DIS3L: variants seen among roughly 807,000 people sequenced by gnomAD.
DIS3L encodes the protein DIS3 like exosome 3'-5' exoribonuclease.
DIS3L carries 100 observed loss-of-function variants against 120.3 expected under a neutral mutation model. The observed-to-expected ratio is 0.83, with a 90% CI of 0.71 to 0.98. DIS3L has a LOEUF of 0.98. Among genes scored for constraint, DIS3L ranks in the 50% least tolerant of loss-of-function variants. The pLI, the probability that DIS3L is intolerant of heterozygous loss-of-function variation, is 0.00. For missense variants in DIS3L, 1,196 were observed against 1,314.2 expected, an observed-to-expected ratio of 0.91 and a Z score of 1.39; for synonymous variants, 426 against 470.6, an observed-to-expected ratio of 0.91 and a Z score of 1.23.
At chr15:66,320,858 A>T (rs2092876163) in intron 9 of DIS3L, 126 bp downstream of exon 9, 2 of 1,178,596 alleles carry the variant, frequency 1.7e-6, no homozygotes, top group Admixed American at 2.6e-5. Context: ...CAGATAATGG[A>T]AAAATCTCAA....
chr15:66,316,002 TTGTA>T (rs2140368947), intron 7 of DIS3L, among the ~76,000 whole-genome samples: 1 of 152,298 alleles, frequency 6.6e-6, no homozygotes, highest in African/African-American at 2.4e-5. Flanking sequence ...CATTGTCCTC[TTGTA>T]TGTGCAAGGG....
rs2093001687 is a variant in DIS3L, at chr15:66,331,908, C to T, written c.2569C>T (p.Leu857Phe). The T allele has an allele frequency of 6.2e-7, 1 of 1,611,542 alleles. No individual in the cohort carries two copies. Among genetic ancestry groups the T allele is most frequent in the African/African-American group, 1.3e-5 (1 of 74,832 alleles). ...AQHSQKQSTELFQCMYFKDKD... is the reference protein window; with the variant it reads ...AQHSQKQSTEFFQCMYFKDKD... ...GCATTCTCAGAAGCAGTCTACTGAG[C>T]TCTTCCAGTGCATGTACTTCAAAGA... Residue 857 changes from leucine (L) to phenylalanine (F), a missense_variant, in exon 15 of 17, where the codon CTC becomes TTC. Coordinates refer to ENST00000319212, the MANE Select transcript of DIS3L (RefSeq NM_001143688.3).
chr15:66,329,541 T>C, intron 14 of DIS3L, 142 bp downstream of exon 14: 1 of 1,332,458 alleles, frequency 7.5e-7, no homozygotes, highest in Non-Finnish European at 9.7e-7. Flanking sequence ...AGAACATTTG[T>C]AGATGTTCTC....
chr15:66,331,732 C>A, intron 14 of DIS3L, 143 bp from the exon 15 acceptor site: 3 of 939,794 alleles, frequency 3.2e-6, no homozygotes, highest in Non-Finnish European at 2.9e-6. Context: ...TAAGTTCCCA[C>A]AAAAAGTAAT....
At position 66,294,454 on chromosome 15, in the gene DIS3L, C is replaced by T. The variant is rs1475296643; in HGVS notation, c.140-534C>T. ...CTCCAAACATTGTGATTAAGGTGAACATTTCAGTTAGAGCTTGGCTAACCA... is the reference window on the plus strand; with the variant it reads ...CTCCAAACATTGTGATTAAGGTGAATATTTCAGTTAGAGCTTGGCTAACCA... On this transcript the variant is annotated intron_variant, in intron 1 of 16. Transcript: ENST00000319212. The T allele has an allele frequency of 3.0e-6, 3 of 985,988 alleles. No individual in the cohort carries two copies. In the African/African-American group the frequency reaches 5.2e-5, roughly 17 times the overall value. 61.1% of individuals were successfully genotyped at this position (985,988 alleles called of 1,614,324 possible).
At chr15:66,317,533 C>T (rs1287653282) in intron 7 of DIS3L, among the ~76,000 whole-genome samples, 1 of 151,940 alleles carries the variant, frequency 6.6e-6, no homozygotes. Context: ...CAGTTGAGGG[C>T]ACGGTTTAAA....
intron 5 of DIS3L, among the ~76,000 whole-genome samples, chr15:66,312,652 G>A (rs191435927): frequency 2.6e-5 from 4 of 152,242 alleles, no homozygotes; most frequent in Admixed American, 2.6e-4. Context: ...CAGGGTCTTG[G>A]GAAGGAATCA....
At chr15:66,308,290 C>A (rs992444506) in intron 3 of DIS3L, among the ~76,000 whole-genome samples, 3 of 152,206 alleles carry the variant, frequency 2.0e-5, no homozygotes, top group African/African-American at 7.2e-5. Flanking sequence ...CCATATCAGA[C>A]CCTATTGGAT....
rs2092989764 is a variant in DIS3L, at chr15:66,330,603, C to T, written c.2535+1204C>T. ...TAAAATTAGAAGTAGAAATTTGTCT[C>T]AGTAGAAATTTGGCCAGTGTCTCAG... On this transcript the variant is annotated intron_variant, in intron 14 of 16. Transcript: ENST00000319212. The T allele has an allele frequency of 5.2e-6, 5 of 965,108 alleles. 1 individual carries two copies. Among genetic ancestry groups the T allele is most frequent in the African/African-American group, 1.8e-5 (1 of 56,796 alleles). 59.8% of individuals were successfully genotyped at this position (965,108 alleles called of 1,614,324 possible). A position where few individuals can be genotyped will look rare whatever the true frequency, so the allele number is the denominator to read the frequency against.
chr15:66,320,791 T>C (rs2092875571), intron 9 of DIS3L, 59 bp downstream of exon 9: 13 of 1,566,034 alleles, frequency 8.3e-6, no homozygotes, highest in Non-Finnish European at 1.1e-5. Flanking sequence ...TTGTTGTTGT[T>C]TCATCATTAA....
At chr15:66,328,328 T>C (rs2092960430) in intron 12 of DIS3L, among the ~76,000 whole-genome samples, 1 of 152,118 alleles carries the variant, frequency 6.6e-6, no homozygotes, top group African/African-American at 2.4e-5. Context: ...CCAGCCACAA[T>C]ATAGGACTGA....
chr15:66,311,071 AAAGAC>A (rs1469745929), intron 4 of DIS3L, among the ~76,000 whole-genome samples: 22 of 151,524 alleles, frequency 1.5e-4, no homozygotes, highest in African/African-American at 4.8e-4. Flanking sequence ...AAAAAAAAAA[AAAGAC>A]AAGAATGTAC....
chr15:66,301,925 A>C (rs553066136), intron 2 of DIS3L, among the ~76,000 whole-genome samples: 2 of 152,218 alleles, frequency 1.3e-5, no homozygotes, highest in Non-Finnish European at 2.9e-5. Flanking sequence ...GTCTAAGAAA[A>C]TATATATGGG....
rs376924626 is a variant in DIS3L at position 66,311,765 on chromosome 15, C to T, written c.600C>T (p.His200=). The T allele has an allele frequency of 5.0e-5, 81 of 1,614,008 alleles. No individual in the cohort carries two copies. The highest frequency in any genetic ancestry group is 1.7e-4 in the Admixed American group (10 of 59,998). Reference sequence around the variant, plus strand: ...TCTGGCCTGATTTAAAAGCTGCCCACGAGCTTTGTGATTCTATCCTTCAGT... The same window carrying T: ...TCTGGCCTGATTTAAAAGCTGCCCATGAGCTTTGTGATTCTATCCTTCAGT... ...DNFWPDLKAA[H]ELCDSILQSR... Residue 200 remains histidine (H), a synonymous_variant, in exon 5 of 17, where the codon CAC becomes CAT. Transcript: ENST00000319212.
At chr15:66,316,525 A>G (rs1057147508) in intron 7 of DIS3L, among the ~76,000 whole-genome samples, 1 of 152,104 alleles carries the variant, frequency 6.6e-6, no homozygotes, top group African/African-American at 2.4e-5. Context: ...TCCTTCAGAA[A>G]GTGAGTTGAG....
chr15:66,296,971 G>A (rs1013609669), intron 2 of DIS3L, among the ~76,000 whole-genome samples: 1 of 152,196 alleles, frequency 6.6e-6, no homozygotes, highest in Non-Finnish European at 1.5e-5. Flanking sequence ...GTGGAGTGGA[G>A]CAATTAGGCC....
At position 66,294,184 on chromosome 15, in the gene DIS3L, C is replaced by G. The variant is rs965805513; in HGVS notation, c.139+449C>G. The stretch of plus-strand genomic sequence containing the variant: ...TGCTTTGCAGCCACAGGTTTCCTGA[C>G]CTGCCCGCACTGTTGCCCCAGACTT... On this transcript the variant is annotated intron_variant, in intron 1 of 16. Transcript: ENST00000319212. The G allele has an allele frequency of 3.0e-6, 3 of 985,518 alleles. No homozygotes were observed. In the African/African-American group the frequency reaches 5.2e-5, roughly 17 times the overall value. 61.0% of individuals were successfully genotyped at this position (985,518 alleles called of 1,614,324 possible). A position where few individuals can be genotyped will look rare whatever the true frequency, so the allele number is the denominator to read the frequency against.
chr15:66,293,413 AG>A, upstream of DIS3L: 1 of 1,121,248 alleles, frequency 8.9e-7, no homozygotes, highest in Non-Finnish European at 1.1e-6. Flanking sequence ...CACTGAGGGA[AG>A]GGAAGAAACT....
chr15:66,299,906 C>T (rs1265122809), intron 2 of DIS3L, among the ~76,000 whole-genome samples: 1 of 151,800 alleles, frequency 6.6e-6, no homozygotes. Context: ...AAAAATTAGC[C>T]AGCTGTGTGT....
Sources: gnomAD v4.1 joint callset for allele counts (sites outside exome capture counted in the v4.1 genomes callset) on GRCh38, gnomAD v4.1.1 for gene constraint, MANE v1.5 for transcripts, NCBI Gene and HGNC (gene_info 2026-07-23, HGNC 2026-07-21) for gene names.